VPS8: variants seen among roughly 807,000 people sequenced by gnomAD.
VPS8 encodes VPS8 subunit of CORVET complex, also known as vacuolar protein sorting-associated protein 8 homolog.
Under a neutral mutation model 216.4 loss-of-function variants are expected in VPS8, and 129 were observed. The observed-to-expected ratio is 0.60, with a 90% CI of 0.52 to 0.69. The LOEUF is 0.69. Ranked by LOEUF, VPS8 falls within the 30% of genes least tolerant of loss-of-function variation. The pLI is 0.00. For synonymous variants in VPS8, 571 were observed against 565.4 expected (o/e 1.01, Z -0.14); for missense variants, 1,531 against 1,683.5 (o/e 0.91, Z 1.59).
chr3:184,857,008 C>T (rs752473229), intron 14 of VPS8, among the ~76,000 whole-genome samples: 3 of 152,330 alleles, frequency 2.0e-5, no homozygotes, highest in Non-Finnish European at 4.4e-5. Context: ...AAGTGTGAGC[C>T]ATTGTGCTTG....
intron 37 of VPS8, among the ~76,000 whole-genome samples, chr3:184,963,512 T>C (rs762785175): frequency 2.5e-4 from 38 of 152,144 alleles, no homozygotes; most frequent in Non-Finnish European, 4.4e-4. Context: ...TTTTTGTACA[T>C]TGTTTTCTAT....
At position 185,052,021 on chromosome 3, in the gene VPS8, A is replaced by G. The variant is rs773416993; in HGVS notation, c.4283A>G (p.Asp1428Gly). The G allele has an allele frequency of 1.2e-6, 2 of 1,609,526 alleles. No homozygotes were observed. The highest frequency in any genetic ancestry group is 2.2e-5 in the East Asian group (1 of 44,774). The change falls in exon 48 of 48, where the codon GAT becomes GGT. Residue 1428 changes from aspartate to glycine, a missense_variant. Around this residue, in one of 3 missense-constraint regions of VPS8, gnomAD observed 1,318 missense variants for 1,468.4 expected, o/e 0.90. Coordinates refer to ENST00000625842, the MANE Select transcript of VPS8 (RefSeq NM_001009921.3). ...CTCATTCCTCCACCTGTGACTGAGG[A>G]TTGATGACTCCATGGAGCCTGGCCC... ...LQLIPPPVTED is the reference protein window; with the variant it reads ...LQLIPPPVTEG
At chr3:184,911,699 G>A (rs1444922250) in intron 25 of VPS8, among the ~76,000 whole-genome samples, 1 of 152,164 alleles carries the variant, frequency 6.6e-6, no homozygotes, top group Non-Finnish European at 1.5e-5. Context: ...ACCTAGCCTT[G>A]TTTCCACATG....
chr3:184,815,933 AC>A (rs1716225665), intron 1 of VPS8: 1 of 152,160 alleles, frequency 6.6e-6, no homozygotes, highest in Non-Finnish European at 1.5e-5. Flanking sequence ...GCCATCATCT[AC>A]TCAGCCTTTA....
chr3:185,040,194 A>G lies in VPS8; in HGVS notation c.4057-8285A>G, dbSNP rs112905339. ...AGGCCCCTCCAACATTGGAGCTCCAATCTCAACACGAGTGTTGGAGGGAAC... is the reference window on the plus strand; with the variant it reads ...AGGCCCCTCCAACATTGGAGCTCCAGTCTCAACACGAGTGTTGGAGGGAAC... On this transcript the variant is annotated intron_variant, in intron 46 of 47. Transcript: ENST00000625842. Among the ~76,000 whole-genome samples, 537 of 152,246 alleles carry G rather than the reference A, an allele frequency of 3.5e-3. 3 individuals carry two copies. Among genetic ancestry groups the G allele is most frequent in the African/African-American group, 0.012 (501 of 41,564 alleles).
rs1201180707 is a variant in VPS8, at chr3:184,882,746, G to T, written c.1735-3364G>T. 2.6e-5 allele frequency among the ~76,000 whole-genome samples: 4 copies of T among 152,038 alleles called. No individual in the cohort carries two copies. The East Asian group carries it at 7.7e-4, about 29-fold the overall frequency. On this transcript the variant is annotated intron_variant, in intron 21 of 47. Coordinates refer to ENST00000625842, the MANE Select transcript of VPS8 (RefSeq NM_001009921.3). ...GAATTCAATTTCCTTAATAACTATA[G>T]GGGTATTCAAATGAGCTGTTTCATG... is the stretch of plus-strand genomic sequence containing the variant.
chr3:185,030,710 A>G (rs1156606768), intron 46 of VPS8, among the ~76,000 whole-genome samples: 1 of 152,188 alleles, frequency 6.6e-6, no homozygotes, highest in Non-Finnish European at 1.5e-5. Flanking sequence ...GCCTCTCAGA[A>G]GTTGATTTTC....
At chr3:184,856,847 A>G (rs1008032960) in intron 14 of VPS8, among the ~76,000 whole-genome samples, 4 of 152,064 alleles carry the variant, frequency 2.6e-5, no homozygotes, top group African/African-American at 4.8e-5. Flanking sequence ...GAACTAAGTT[A>G]GTTACATGCA....
rs200381979 is a variant in VPS8 at position 184,868,954 on chromosome 3, T to C, written c.1515T>C (p.Asp505=). Residue 505 remains aspartate (D), a synonymous_variant, in exon 19 of 48, where the codon GAT becomes GAC. Coordinates refer to ENST00000625842, the MANE Select transcript of VPS8 (RefSeq NM_001009921.3). ...MMLRSWRERV[D]HLLKQDCLTE... is the part of the protein sequence containing the mutation. Reference sequence around the variant, plus strand: ...TCATTTTTCCGTTTTAGAGAGTGGATCATCTCCTGAAACAAGATTGTCTTA... The same window carrying C: ...TCATTTTTCCGTTTTAGAGAGTGGACCATCTCCTGAAACAAGATTGTCTTA... The C allele has an allele frequency of 1.2e-6, 2 of 1,607,756 alleles. No individual in the cohort carries two copies. Among genetic ancestry groups the C allele is most frequent in the Non-Finnish European group, 1.7e-6 (2 of 1,177,252 alleles).
At chr3:185,005,058 G>A (rs1326427420) in intron 45 of VPS8, among the ~76,000 whole-genome samples, 1 of 152,176 alleles carries the variant, frequency 6.6e-6, no homozygotes, top group Non-Finnish European at 1.5e-5. Flanking sequence ...TATACAGTGA[G>A]AGTTGAGGAT....
intron 25 of VPS8, among the ~76,000 whole-genome samples, chr3:184,905,948 C>T (rs1036380651): frequency 6.6e-6 from 1 of 151,984 alleles, no homozygotes; most frequent in African/African-American, 2.4e-5. Context: ...TTGGTTCAAT[C>T]TTTCTATAGA....
At chr3:184,898,321 G>T (rs1378471624) in intron 23 of VPS8, among the ~76,000 whole-genome samples, 1 of 152,144 alleles carries the variant, frequency 6.6e-6, no homozygotes, top group Admixed American at 6.5e-5. Flanking sequence ...GGGAAGGATA[G>T]AGAAGAAACA....
In VPS8 at chr3:184,868,965, A is replaced by G. The variant is rs553350839; in HGVS notation, c.1526A>G (p.Lys509Arg). Residue 509 changes from lysine to arginine, a missense_variant, in exon 19 of 48, where the codon AAA (lysine) becomes AGA (arginine). This residue lies in a region of VPS8 where 1,318 missense variants were observed against 1,468.4 expected (regional missense o/e 0.90). Transcript: ENST00000625842. ...SWRERVDHLL[K>R]QDCLTEALAL... ...TTTTAGAGAGTGGATCATCTCCTGA[A>G]ACAAGATTGTCTTACAGAAGCGTTG... The G allele has an allele frequency of 1.9e-6, 3 of 1,609,890 alleles. No homozygotes were observed. In the Admixed American group the frequency reaches 5.0e-5, roughly 27 times the overall value.
At chr3:184,921,863 C>T (rs187591119) in intron 29 of VPS8, among the ~76,000 whole-genome samples, 1 of 152,150 alleles carries the variant, frequency 6.6e-6, no homozygotes. Context: ...CTGTGCCCAG[C>T]CCTGAGAAGT....
intron 37 of VPS8, among the ~76,000 whole-genome samples, chr3:184,960,575 G>T (rs566084859): frequency 7.2e-5 from 11 of 152,200 alleles, no homozygotes; most frequent in African/African-American, 1.9e-4. Flanking sequence ...TCAACTCAAA[G>T]AAACATGATT....
In VPS8 at chr3:184,898,468, T is replaced by C. The variant is rs543012022; in HGVS notation, c.2005-97T>C. On this transcript the variant is annotated intron_variant, in intron 23 of 47. Transcript: ENST00000625842. ...TTATCAGAGAAGAAACAAGAAAAAT[T>C]AGGGAAGAGCATTCAAGACCTTTCC... The C allele has an allele frequency of 6.0e-5, 56 of 934,658 alleles. 1 individual carries two copies. The African/African-American group carries it at 8.6e-4, about 14-fold the overall frequency. 57.9% of individuals were successfully genotyped at this position (934,658 alleles called of 1,614,324 possible).
intron 23 of VPS8, among the ~76,000 whole-genome samples, chr3:184,897,886 T>C (rs1733799678): frequency 6.6e-6 from 1 of 152,128 alleles, no homozygotes; most frequent in Non-Finnish European, 1.5e-5. Context: ...CTTAAGCACT[T>C]CAAGCTCACT....
At chr3:184,941,508 A>G (rs1240083580) in intron 36 of VPS8, among the ~76,000 whole-genome samples, 1 of 148,042 alleles carries the variant, frequency 6.8e-6, no homozygotes, top group Non-Finnish European at 1.5e-5. Flanking sequence ...GAATTAACTG[A>G]TGGAAAGATT....
At chr3:184,989,832 G>A (rs1343437191) in intron 42 of VPS8, among the ~76,000 whole-genome samples, 1 of 152,000 alleles carries the variant, frequency 6.6e-6, no homozygotes, top group African/African-American at 2.4e-5. Context: ...CAGCACTTTG[G>A]GAGGCCGAGG....
Sources: gnomAD v4.1 joint callset for allele counts (sites outside exome capture counted in the v4.1 genomes callset) on GRCh38, gnomAD v4.1.1 for gene constraint, gnomAD v4.1.1 regional missense constraint, MANE v1.5 for transcripts, NCBI Gene and HGNC (gene_info 2026-07-23, HGNC 2026-07-21) for gene names.